Variants in SLC15A5 observed in about 807,000 individuals in gnomAD.
The protein encoded by SLC15A5 is solute carrier family 15 member 5, also known as Peptide/histidine transporter ENSP00000340402.
In SLC15A5, 58 loss-of-function variants were observed where a neutral mutation model predicts 56.1. The ratio of observed to expected loss-of-function variants is 1.03; its 90% CI spans 0.84 to 1.29. The LOEUF (loss-of-function observed/expected upper bound fraction) is 1.29. Among genes scored for constraint, SLC15A5 ranks in the 50% most tolerant of loss-of-function variants. The pLI is 0.00. For missense variants in SLC15A5, 681 were observed against 672.1 expected (o/e 1.01, Z -0.15); for synonymous variants, 264 against 250.5 (o/e 1.05, Z -0.51).
At chr12:16,254,547 A>G (rs1284680986) in intron 3 of SLC15A5, among the ~76,000 whole-genome samples, 1 of 152,168 alleles carries the variant, frequency 6.6e-6, no homozygotes, top group Non-Finnish European at 1.5e-5. Flanking sequence ...ATGGCTGAAT[A>G]GTATTCCATC....
chr12:16,190,228 G>A (rs796419787), intron 8 of SLC15A5, among the ~76,000 whole-genome samples: 3 of 152,266 alleles, frequency 2.0e-5, no homozygotes, highest in African/African-American at 7.2e-5. Context: ...TATATTTCTA[G>A]AATGTGCACT....
chr12:16,238,138 T>C (rs1864370292), intron 5 of SLC15A5, among the ~76,000 whole-genome samples: 1 of 152,120 alleles, frequency 6.6e-6, no homozygotes, highest in Admixed American at 6.5e-5. Flanking sequence ...TAATTGAAGA[T>C]GATAAAATAA....
intron 7 of SLC15A5, among the ~76,000 whole-genome samples, chr12:16,200,042 C>T (rs1378400007): frequency 6.6e-6 from 1 of 151,906 alleles, no homozygotes; most frequent in East Asian, 1.9e-4. Flanking sequence ...AGTTAGTAAA[C>T]ACTACTCTCA....
chr12:16,257,022 C>CA (rs765715835), intron 3 of SLC15A5, among the ~76,000 whole-genome samples: 1 of 151,554 alleles, frequency 6.6e-6, no homozygotes, highest in Non-Finnish European at 1.5e-5. Flanking sequence ...AACTATAAAA[C>CA]AAAAAAACAA....
intron 3 of SLC15A5, among the ~76,000 whole-genome samples, chr12:16,245,973 C>A (rs1426306885): frequency 6.6e-6 from 1 of 152,084 alleles, no homozygotes; most frequent in African/African-American, 2.4e-5. Flanking sequence ...TTGTAATAGA[C>A]CCATTATGTC....
intron 3 of SLC15A5, among the ~76,000 whole-genome samples, chr12:16,256,673 C>T (rs1229999662): frequency 6.6e-6 from 1 of 151,978 alleles, no homozygotes; most frequent in East Asian, 1.9e-4. Flanking sequence ...TCCTGGCTAA[C>T]ACGGTGAAAC....
chr12:16,262,134 A>G (rs578175958), intron 2 of SLC15A5, among the ~76,000 whole-genome samples: 1 of 152,348 alleles, frequency 6.6e-6, no homozygotes, highest in South Asian at 2.1e-4. Flanking sequence ...GACTCATCCA[A>G]ATTCACACAG....
intron 3 of SLC15A5, among the ~76,000 whole-genome samples, chr12:16,247,853 A>G (rs1199436159): frequency 1.3e-5 from 2 of 152,118 alleles, no homozygotes; most frequent in African/African-American, 4.8e-5. Flanking sequence ...TATACTAGAG[A>G]GATCTTATGA....
intron 4 of SLC15A5, among the ~76,000 whole-genome samples, chr12:16,240,197 T>C (rs1277317880): frequency 6.6e-6 from 1 of 152,230 alleles, no homozygotes; most frequent in African/African-American, 2.4e-5. Flanking sequence ...ATTCTGTAGA[T>C]AAGCAAAATG....
At chr12:16,245,356 A>C (rs1864451906) in intron 3 of SLC15A5, among the ~76,000 whole-genome samples, 1 of 152,156 alleles carries the variant, frequency 6.6e-6, no homozygotes, top group African/African-American at 2.4e-5. Context: ...ATGCATGTTG[A>C]TAGTGTCATT....
Position 16,272,792 on chromosome 12 carries a change from G to T in SLC15A5, c.362-9C>A. On this transcript the variant is annotated splice_polypyrimidine_tract_variant and intron_variant, in intron 1 of 8. Coordinates refer to ENST00000344941, the MANE Select transcript of SLC15A5 (RefSeq NM_001170798.1). ...AGATAACAAAGCAGTGCCTGTAGGTGGAGAAAAAAAAAGAGTAAATGTAGC... is the reference window on the plus strand; with the variant it reads ...AGATAACAAAGCAGTGCCTGTAGGTTGAGAAAAAAAAAGAGTAAATGTAGC... 4 of 1,528,400 alleles carry T rather than the reference G, an allele frequency of 2.6e-6. No homozygotes were observed. The highest frequency in any genetic ancestry group is 3.5e-6 in the Non-Finnish European group (4 of 1,142,840). 94.7% of individuals were successfully genotyped at this position (1,528,400 alleles called of 1,614,324 possible). A position where few individuals can be genotyped will look rare whatever the true frequency, so the allele number is the denominator to read the frequency against.
chr12:16,215,075 C>T (rs1162076858), intron 7 of SLC15A5, among the ~76,000 whole-genome samples: 1 of 151,832 alleles, frequency 6.6e-6, no homozygotes, highest in Non-Finnish European at 1.5e-5. Flanking sequence ...TGGTGGTGTG[C>T]ACCTGTAGTA....
chr12:16,259,406 C>T (rs1864617261), intron 2 of SLC15A5, among the ~76,000 whole-genome samples: 1 of 151,222 alleles, frequency 6.6e-6, no homozygotes, highest in African/African-American at 2.4e-5. Flanking sequence ...TCCTTCGTCC[C>T]TCCCTCCCCC....
intron 7 of SLC15A5, among the ~76,000 whole-genome samples, chr12:16,214,754 CAG>C (rs1334025060): frequency 1.3e-5 from 2 of 152,168 alleles, no homozygotes; most frequent in Non-Finnish European, 2.9e-5. Flanking sequence ...CCATAATAAA[CAG>C]TAATTATAAA....
chr12:16,238,135 AGAT>A (rs1864370255), intron 5 of SLC15A5, among the ~76,000 whole-genome samples: 1 of 152,220 alleles, frequency 6.6e-6, no homozygotes, highest in South Asian at 2.1e-4. Flanking sequence ...CTATAATTGA[AGAT>A]GATAAAATAA....
At position 16,243,345 on chromosome 12, in the gene SLC15A5, G is replaced by A. The variant is rs937967801; in HGVS notation, c.975+1235C>T. 2.0e-5 allele frequency among the ~76,000 whole-genome samples: 3 copies of A among 151,574 alleles called. No individual in the cohort carries two copies. Among genetic ancestry groups the A allele is most frequent in the African/African-American group, 4.8e-5 (2 of 41,256 alleles). On this transcript the variant is annotated intron_variant, in intron 4 of 8. Coordinates refer to ENST00000344941, the MANE Select transcript of SLC15A5 (RefSeq NM_001170798.1). This position sits in a 1 kb window ranked among gnomAD's most constrained non-coding sequence, Gnocchi z 4.4. ...CCAGCCTCAGCCTCCCAAGCAGCTCGGATTACAGGCATGGCCACCACACCT... is the reference window on the plus strand; with the variant it reads ...CCAGCCTCAGCCTCCCAAGCAGCTCAGATTACAGGCATGGCCACCACACCT...
intron 2 of SLC15A5, among the ~76,000 whole-genome samples, chr12:16,260,653 A>C (rs1366562901): frequency 6.6e-6 from 1 of 151,902 alleles, no homozygotes; most frequent in African/African-American, 2.4e-5. Flanking sequence ...AAAAAGTTTA[A>C]AATTTTAATA....
At chr12:16,211,769 A>G (rs770783077) in intron 7 of SLC15A5, among the ~76,000 whole-genome samples, 28 of 152,176 alleles carry the variant, frequency 1.8e-4, no homozygotes, top group Non-Finnish European at 3.5e-4. Flanking sequence ...TTAGTCTTGT[A>G]TCTTCTCCTT....
In SLC15A5 at chr12:16,242,064, G is replaced by A. The variant is rs141204724; in HGVS notation, c.976-2197C>T. 6.0e-3 allele frequency among the ~76,000 whole-genome samples: 912 copies of A among 152,260 alleles called. 9 individuals carry two copies. The highest frequency in any genetic ancestry group is 0.021 in the African/African-American group (873 of 41,548). On this transcript the variant is annotated intron_variant, in intron 4 of 8. Coordinates refer to ENST00000344941, the MANE Select transcript of SLC15A5 (RefSeq NM_001170798.1). ...ATTCATTCTCACCTTTGACTGGCCA[G>A]TAATGTCAAATGGCAACCTCATCAG... is the stretch of plus-strand genomic sequence containing the variant.
Sources: gnomAD v4.1 joint callset for allele counts (sites outside exome capture counted in the v4.1 genomes callset) on GRCh38, gnomAD v4.1.1 for gene constraint, Gnocchi (gnomAD v3.1) non-coding constraint, MANE v1.5 for transcripts, NCBI Gene and HGNC (gene_info 2026-07-23, HGNC 2026-07-21) for gene names.